The following GVQW3 variants were observed in gnomAD, a reference collection of about 807,000 sequenced individuals.
The protein encoded by GVQW3 is GVQW motif containing 3.
A neutral mutation model predicts 12.5 loss-of-function variants in GVQW3; 7 were observed. That is an observed-to-expected ratio of 0.56 (90% CI 0.32 to 1.05). GVQW3 has a LOEUF of 1.05. GVQW3 is among the 50% of genes least tolerant of loss of function. The pLI is 0.04. For missense variants in GVQW3, 188 were observed against 190.8 expected (o/e 0.99, Z 0.09); for synonymous variants, 71 against 67.2 (o/e 1.06, Z -0.28).
chr11:76,384,645 C>A (rs563078313), intron 1 of GVQW3, among the ~76,000 whole-genome samples: 3 of 152,242 alleles, frequency 2.0e-5, no homozygotes, highest in Non-Finnish European at 4.4e-5. Context: ...TTTTGAGACA[C>A]CTTGAAAGCT....
At chr11:76,413,046 A>T (rs1406641720), downstream of GVQW3, 2 of 152,072 alleles carry the variant, frequency 1.3e-5, no homozygotes, top group Non-Finnish European at 2.9e-5. Flanking sequence ...AATTTTTTTT[A>T]TTGTGCAAAT....
At chr11:76,388,515 TA>T (rs1405359391) in intron 1 of GVQW3, among the ~76,000 whole-genome samples, 3 of 152,050 alleles carry the variant, frequency 2.0e-5, no homozygotes, top group Non-Finnish European at 4.4e-5. Flanking sequence ...CAGGAGTAAC[TA>T]AACCCTACAG....
chr11:76,381,651 G>A lies in GVQW3; in HGVS notation c.-178G>A. On this transcript the variant is annotated 5_prime_UTR_variant, in exon 1 of 2. Transcript: ENST00000529331. ...TGGCTTCCCAGAACGGATCTCCCCA[G>A]CCTCGACTGGAAGCTGAGGGACAAA... 2 of 600,394 alleles carry A rather than the reference G, an allele frequency of 3.3e-6. No homozygotes were observed. Among genetic ancestry groups the A allele is most frequent in the Non-Finnish European group, 5.6e-6 (2 of 355,500 alleles). The allele number at this position is 600,394 out of a possible 1,614,324, so 37.2% of individuals were successfully genotyped here.
intron 1 of GVQW3, among the ~76,000 whole-genome samples, chr11:76,384,668 A>G (rs938368702): frequency 1.3e-5 from 2 of 152,206 alleles, no homozygotes; most frequent in Non-Finnish European, 2.9e-5. Flanking sequence ...ACGTTGTCCC[A>G]CAAAGAGAAG....
chr11:76,411,746 T>A (rs1244877204), downstream of GVQW3: 1 of 152,186 alleles, frequency 6.6e-6, no homozygotes, highest in South Asian at 2.1e-4. Context: ...GTTGATGTAA[T>A]CTTGCAAATC....
intron 1 of GVQW3, among the ~76,000 whole-genome samples, chr11:76,401,553 C>T (rs891136141): frequency 1.3e-5 from 2 of 151,998 alleles, no homozygotes; most frequent in African/African-American, 4.8e-5. Context: ...GCAGGCGGAT[C>T]ACCTGAGGTC....
chr11:76,399,284 C>G (rs968673539), intron 1 of GVQW3, among the ~76,000 whole-genome samples: 1 of 152,028 alleles, frequency 6.6e-6, no homozygotes, highest in Admixed American at 6.6e-5. Context: ...GGATTACAGG[C>G]GTGCATCACC....
rs568411774 is a variant in GVQW3, at chr11:76,393,050, C to T, written c.466-10610C>T. On this transcript the variant is annotated intron_variant, in intron 1 of 1. Coordinates refer to ENST00000529331, the MANE Select transcript of GVQW3 (RefSeq NM_001347885.2). ...TGTTCTGAAAATTCTTCACACTTCA[C>T]TTATAAATGCCGCTATACTGTACCA... 5.8e-4 allele frequency: 88 copies of T among 152,274 alleles called. 1 individual carries two copies. Among genetic ancestry groups the T allele is most frequent in the African/African-American group, 2.0e-3 (85 of 41,568 alleles). 9.4% of individuals were successfully genotyped at this position (152,274 alleles called of 1,614,324 possible).
rs937776311 is a variant in GVQW3, at chr11:76,396,776, C to T, written c.466-6884C>T. 5.9e-5 allele frequency among the ~76,000 whole-genome samples: 9 copies of T among 152,142 alleles called. No individual in the cohort carries two copies. In the East Asian group the frequency reaches 7.7e-4, roughly 13 times the overall value. ...AGAACCATCACCACTAATTTTAGAA[C>T]AGATTACAGCATTCCACAAGGAAAC... On this transcript the variant is annotated intron_variant, in intron 1 of 1. Transcript: ENST00000529331.
At chr11:76,383,985 C>T (rs1048812138) in intron 1 of GVQW3, among the ~76,000 whole-genome samples, 10 of 152,168 alleles carry the variant, frequency 6.6e-5, no homozygotes, top group Admixed American at 6.5e-4. Context: ...ATCTGATTTT[C>T]CATTTGGACC....
At chr11:76,399,834 T>C (rs1201427176) in intron 1 of GVQW3, among the ~76,000 whole-genome samples, 1 of 152,082 alleles carries the variant, frequency 6.6e-6, no homozygotes, top group Non-Finnish European at 1.5e-5. Flanking sequence ...AACTGGAACT[T>C]ACACCACTGG....
chr11:76,396,983 A>G (rs1946945050), intron 1 of GVQW3, among the ~76,000 whole-genome samples: 1 of 146,724 alleles, frequency 6.8e-6, no homozygotes, highest in Middle Eastern at 3.6e-3. Flanking sequence ...ACGTTGGAGC[A>G]TGGGTCAGTC....
chr11:76,388,767 C>T (rs900131555), intron 1 of GVQW3, among the ~76,000 whole-genome samples: 1 of 152,124 alleles, frequency 6.6e-6, no homozygotes, highest in East Asian at 1.9e-4. Context: ...ATAGGTATGA[C>T]TGTTGCCACA....
At chr11:76,384,117 A>G (rs932144371) in intron 1 of GVQW3, among the ~76,000 whole-genome samples, 12 of 152,216 alleles carry the variant, frequency 7.9e-5, no homozygotes, top group African/African-American at 2.9e-4. Context: ...GGAAACATTC[A>G]GGGGGCAGGG....
chr11:76,414,023 G>T (rs1947098927), exon 2 of GVQW3: 1 of 152,046 alleles, frequency 6.6e-6, no homozygotes, highest in African/African-American at 2.4e-5. Context: ...CCAATTTGAG[G>T]GAGGGAACCA....
At chr11:76,392,446 CA>C (rs1946901426) in intron 1 of GVQW3, 1 of 152,198 alleles carries the variant, frequency 6.6e-6, no homozygotes, top group Admixed American at 6.5e-5. Flanking sequence ...GGAATTGGCC[CA>C]GGGAGGTTGA....
chr11:76,390,089 A>G (rs1276569364), intron 1 of GVQW3: 1 of 152,240 alleles, frequency 6.6e-6, no homozygotes, highest in Non-Finnish European at 1.5e-5. Flanking sequence ...GAAAATGTGT[A>G]CTTAATCTTT....
At chr11:76,411,039 C>T (rs1216335537), downstream of GVQW3, 1 of 152,236 alleles carries the variant, frequency 6.6e-6, no homozygotes, top group Non-Finnish European at 1.5e-5. Flanking sequence ...TTTGGAAGCA[C>T]TCTGGTGCTG....
At chr11:76,390,314 A>G (rs1042144856) in intron 1 of GVQW3, among the ~76,000 whole-genome samples, 1 of 152,208 alleles carries the variant, frequency 6.6e-6, no homozygotes, top group African/African-American at 2.4e-5. Context: ...TTAACTAGCT[A>G]TGTGACTTTG....
Sources: gnomAD v4.1 joint callset for allele counts (sites outside exome capture counted in the v4.1 genomes callset) on GRCh38, gnomAD v4.1.1 for gene constraint, MANE v1.5 for transcripts, NCBI Gene and HGNC (gene_info 2026-07-23, HGNC 2026-07-21) for gene names.